METTL16: variants seen among roughly 807,000 people sequenced by gnomAD.
METTL16 encodes the protein RNA N(6)-adenosine-methyltransferase METTL16.
In METTL16, 19 loss-of-function variants were observed where a neutral mutation model predicts 57.9. The observed-to-expected ratio is 0.33, with a 90% CI of 0.23 to 0.48. The LOEUF (loss-of-function observed/expected upper bound fraction) is 0.48. Among genes scored for constraint, METTL16 ranks in the 20% least tolerant of loss-of-function variants. The probability of loss-of-function intolerance (pLI) is 0.99; values close to 1 mark genes in which losing one functional copy is unlikely to be tolerated. For synonymous variants in METTL16, 246 were observed against 255.6 expected (o/e 0.96, Z 0.36); for missense variants, 434 against 691.5 (o/e 0.63, Z 4.18).
intron 5 of METTL16, among the ~76,000 whole-genome samples, chr17:2,464,772 TTCA>T (rs1187385612): frequency 6.6e-6 from 1 of 152,116 alleles, no homozygotes; most frequent in Non-Finnish European, 1.5e-5. Flanking sequence ...TAACTCAAAA[TTCA>T]TCAAAGAACT....
rs2066718718 is a variant in METTL16, at chr17:2,416,667, A to C, written c.*3303T>G. The C allele has an allele frequency of 6.6e-6, 1 of 152,164 alleles. No individual in the cohort carries two copies. Among genetic ancestry groups the C allele is most frequent in the African/African-American group, 2.4e-5 (1 of 41,430 alleles). 9.4% of individuals were successfully genotyped at this position (152,164 alleles called of 1,614,324 possible). A position where few individuals can be genotyped will look rare whatever the true frequency, so the allele number is the denominator to read the frequency against. ...GGCAACAGGCTCAACTTCTGTCTCC[A>C]CTTCAGTTATCAGGAGACCAGAAGC... is the stretch of plus-strand genomic sequence containing the variant. On this transcript the variant is annotated 3_prime_UTR_variant, in exon 10 of 10. Transcript: ENST00000263092.
chr17:2,435,308 G>A (rs1272800496), intron 8 of METTL16, among the ~76,000 whole-genome samples: 1 of 152,092 alleles, frequency 6.6e-6, no homozygotes, highest in East Asian at 1.9e-4. Flanking sequence ...GGGAGTGGGG[G>A]TGGGGAAATA....
intron 8 of METTL16, among the ~76,000 whole-genome samples, chr17:2,431,636 G>A (rs373628155): frequency 2.1e-4 from 32 of 152,120 alleles, no homozygotes; most frequent in Admixed American, 1.2e-3. Flanking sequence ...ACGCTGGATG[G>A]TCTATCCAGT....
chr17:2,474,386 G>GAAA (rs752477163), intron 3 of METTL16, among the ~76,000 whole-genome samples: 21 of 60,210 alleles, frequency 3.5e-4, no homozygotes, highest in African/African-American at 6.5e-4. Flanking sequence ...GAAACAAAAA[G>GAAA]AAAAAAAAAA....
chr17:2,477,958 G>T, intron 2 of METTL16, 73 bp from the exon 3 acceptor site: 1 of 1,341,504 alleles, frequency 7.5e-7, no homozygotes, highest in Non-Finnish European at 1.1e-6. Flanking sequence ...ACGGCAAACA[G>T]GCAGAACCAA....
intron 1 of METTL16, among the ~76,000 whole-genome samples, chr17:2,503,707 T>G (rs866230103): frequency 6.6e-6 from 1 of 151,542 alleles, no homozygotes; most frequent in Non-Finnish European, 1.5e-5. Context: ...ATCAACAAAA[T>G]ATGGTATATC....
intron 5 of METTL16, among the ~76,000 whole-genome samples, chr17:2,465,806 C>T (rs962700387): frequency 5.9e-5 from 9 of 151,906 alleles, no homozygotes; most frequent in African/African-American, 1.9e-4. Flanking sequence ...GTGGAGGTTG[C>T]GGTGAGCAGA....
chr17:2,438,121 A>G lies in METTL16; in HGVS notation c.876T>C (p.Asp292=), dbSNP rs1271933280. Residue 292 remains aspartate, a synonymous_variant, in exon 8 of 10, where the codon GAT becomes GAC. Coordinates refer to ENST00000263092, the MANE Select transcript of METTL16 (RefSeq NM_024086.4). ...GGTCTGTACTTACTGGTACTGTGAC[A>G]TCATCATAAAAACTCCAAGCTAAGG... The part of the protein sequence containing the change: ...RWALAWSFYD[D]VTVPSPPSKR... The G allele has an allele frequency of 4.3e-6, 7 of 1,613,054 alleles. No homozygotes were observed. The highest frequency in any genetic ancestry group is 1.1e-5 in the South Asian group (1 of 91,070).
chr17:2,439,525 C>T (rs1239819260), intron 7 of METTL16, among the ~76,000 whole-genome samples: 1 of 152,086 alleles, frequency 6.6e-6, no homozygotes, highest in Non-Finnish European at 1.5e-5. Context: ...TGGTGCTGTT[C>T]CCCCAGAGCT....
intron 2 of METTL16, among the ~76,000 whole-genome samples, chr17:2,483,782 C>T (rs992746042): frequency 6.6e-6 from 1 of 152,112 alleles, no homozygotes; most frequent in Non-Finnish European, 1.5e-5. Flanking sequence ...TTACTTCTAA[C>T]GAGAATATTT....
intron 2 of METTL16, among the ~76,000 whole-genome samples, chr17:2,487,891 A>G (rs1027563665): frequency 6.6e-6 from 1 of 152,132 alleles, no homozygotes; most frequent in African/African-American, 2.4e-5. Flanking sequence ...CTATAATCTT[A>G]GCTACTCAGG....
At chr17:2,498,724 G>A (rs2067464796) in intron 2 of METTL16, among the ~76,000 whole-genome samples, 1 of 151,638 alleles carries the variant, frequency 6.6e-6, no homozygotes, top group Non-Finnish European at 1.5e-5. Flanking sequence ...GGGCAACAGA[G>A]CAAGACTGTG....
In METTL16 at chr17:2,417,145, C is replaced by CCT. The variant is rs2066725601; in HGVS notation, c.*2823_*2824dup. ...CAGTGGCATTCTCGGCTCACTGCAA[C>CCT]CTCCACCTCCCAGGTTCAAGCGAGT... is the stretch of plus-strand genomic sequence containing the variant. On this transcript the variant is annotated 3_prime_UTR_variant, in exon 10 of 10. Transcript: ENST00000263092. 1 of 143,420 alleles carries CCT rather than the reference C, an allele frequency of 7.0e-6. No individual in the cohort carries two copies. Among genetic ancestry groups the CCT allele is most frequent in the Non-Finnish European group, 1.5e-5 (1 of 67,018 alleles). 8.9% of individuals were successfully genotyped at this position (143,420 alleles called of 1,614,324 possible).
At chr17:2,478,002 C>G in intron 2 of METTL16, 117 bp from the exon 3 acceptor site, 4 of 738,092 alleles carry the variant, frequency 5.4e-6, no homozygotes, top group Non-Finnish European at 9.1e-6. Flanking sequence ...AGATCACACA[C>G]AGTTACACAG....
At chr17:2,441,655 A>G in intron 6 of METTL16, 96 bp from the exon 7 acceptor site, 1 of 644,454 alleles carries the variant, frequency 1.6e-6, no homozygotes, top group Non-Finnish European at 2.4e-6. Context: ...ACAGTAACAA[A>G]CAAACATTGA....
intron 6 of METTL16, 24 bp from the exon 7 acceptor site, chr17:2,441,583 G>A: frequency 6.7e-7 from 1 of 1,498,942 alleles, no homozygotes; most frequent in Non-Finnish European, 9.0e-7. Context: ...AATCAGACAA[G>A]TAAATACGGT....
rs745554008 is a variant in METTL16 at position 2,420,318 on chromosome 17, C to G, written c.1341G>C (p.Pro447=). Residue 447 remains proline (P), a synonymous_variant, in exon 10 of 10, where the codon CCG becomes CCC. Transcript: ENST00000263092. The surrounding 1 kb of genome is among the most constrained non-coding windows in gnomAD (Gnocchi z 5.4). ...GGGACAGGGACTCCTGGCTCGGGCA[C>G]GGGCCCTCCACAGCGGCAGCCTCGC... ...REGEAAAVEG[P]CPSQESLSQE... 6.2e-7 allele frequency: 1 copy of G among 1,612,096 alleles called. No homozygotes were observed. The highest frequency in any genetic ancestry group is 8.5e-7 in the Non-Finnish European group (1 of 1,180,010).
At chr17:2,483,012 T>C (rs2067317737) in intron 2 of METTL16, among the ~76,000 whole-genome samples, 2 of 148,804 alleles carry the variant, frequency 1.3e-5, no homozygotes, top group Non-Finnish European at 3.0e-5. Context: ...GAAAATCAGA[T>C]CATATAGTGT....
At chr17:2,470,717 T>C (rs940390154) in intron 4 of METTL16, among the ~76,000 whole-genome samples, 3 of 152,178 alleles carry the variant, frequency 2.0e-5, no homozygotes, top group Non-Finnish European at 4.4e-5. Context: ...AGGCTGAGGC[T>C]GGATGATTAC....
Sources: allele counts gnomAD v4.1 joint callset (sites outside exome capture counted in the v4.1 genomes callset), GRCh38; gene constraint gnomAD v4.1.1; non-coding constraint Gnocchi (gnomAD v3.1); transcripts MANE v1.5; gene names NCBI Gene and HGNC (gene_info 2026-07-23, HGNC 2026-07-21).